The following GAS2 variants were observed in gnomAD, a reference collection of about 807,000 sequenced individuals.
GAS2 encodes the protein growth arrest-specific protein 2.
GAS2 carries 20 observed loss-of-function variants against 37.5 expected under a neutral mutation model. That is an observed-to-expected ratio of 0.53 (90% CI 0.37 to 0.77). The LOEUF is 0.77. GAS2 is among the 30% of genes least tolerant of loss of function. The pLI, the probability that GAS2 is intolerant of heterozygous loss-of-function variation, is 0.00. For missense variants in GAS2, 336 were observed against 373.4 expected (o/e 0.90, Z 0.82); for synonymous variants, 144 against 132.2 (o/e 1.09, Z -0.61).
At chr11:22,711,546 G>A (rs770954449) in intron 3 of GAS2, among the ~76,000 whole-genome samples, 26 of 152,232 alleles carry the variant, frequency 1.7e-4, no homozygotes, top group African/African-American at 6.0e-4. Context: ...GATGGTGTGG[G>A]TAGGCAGGCC....
Position 22,685,632 on chromosome 11 carries a change from A to T in GAS2, c.146-36A>T, listed in dbSNP as rs779568674. 5 of 1,598,576 alleles carry T rather than the reference A, an allele frequency of 3.1e-6. No individual in the cohort carries two copies. The Admixed American group carries it at 8.6e-5, about 28-fold the overall frequency. Reference sequence around the variant, plus strand: ...TTATTTAGTGTGAATCTGACATTTGATTTTCCTTTTATAATGCTTCTTTTT... The same window carrying T: ...TTATTTAGTGTGAATCTGACATTTGTTTTTCCTTTTATAATGCTTCTTTTT... On this transcript the variant is annotated intron_variant, in intron 2 of 7. Coordinates refer to ENST00000454584, the MANE Select transcript of GAS2 (RefSeq NM_001143830.3).
intron 1 of GAS2, among the ~76,000 whole-genome samples, chr11:22,634,139 A>C (rs1313212607): frequency 6.6e-6 from 1 of 152,180 alleles, no homozygotes; most frequent in Non-Finnish European, 1.5e-5. Context: ...AACATGAAGG[A>C]AGAGCAAAGG....
rs559626143 is a variant in GAS2, at chr11:22,651,566, T to C, written c.-20-23284T>C. On this transcript the variant is annotated intron_variant, in intron 1 of 5. Coordinates refer to the GAS2 transcript ENST00000528582. ...CACTTTCAGGTACACCAATCAGACA[T>C]AGATTTGGTCTTTCCACATAGTCCC... is the stretch of plus-strand genomic sequence containing the variant. Among the ~76,000 whole-genome samples, 3 of 152,324 alleles carry C rather than the reference T, an allele frequency of 2.0e-5. No homozygotes were observed. In the South Asian group the frequency reaches 6.2e-4, roughly 32 times the overall value.
At chr11:22,748,275 G>T (rs1005112483) in intron 5 of GAS2, among the ~76,000 whole-genome samples, 1 of 151,934 alleles carries the variant, frequency 6.6e-6, no homozygotes, top group Admixed American at 6.6e-5. Flanking sequence ...CTGTAAAAGT[G>T]AGAGGGTGTA....
chr11:22,797,254 T>C (rs958540063), intron 7 of GAS2, among the ~76,000 whole-genome samples: 19 of 152,082 alleles, frequency 1.2e-4, no homozygotes, highest in African/African-American at 4.6e-4. Flanking sequence ...TCCATCATCA[T>C]ATGTCACTTG....
chr11:22,689,896 A>T (rs972094076), intron 3 of GAS2, among the ~76,000 whole-genome samples: 1 of 152,238 alleles, frequency 6.6e-6, no homozygotes, highest in African/African-American at 2.4e-5. Flanking sequence ...TTCAGAAAAA[A>T]TGGTGGCGAA....
chr11:22,775,933 T>G (rs142104951), intron 7 of GAS2, among the ~76,000 whole-genome samples: 1,573 of 152,326 alleles, frequency 0.01, 12 homozygotes, highest in Middle Eastern at 0.02. Flanking sequence ...ATATTAAAAC[T>G]GTTCCTTGGG....
chr11:22,626,650 A>G (rs936061415), intron 1 of GAS2: 1 of 152,242 alleles, frequency 6.6e-6, no homozygotes, highest in African/African-American at 2.4e-5. Flanking sequence ...TGCATTCTGT[A>G]CAAAATGCAC....
intron 4 of GAS2, among the ~76,000 whole-genome samples, chr11:22,736,539 C>T (rs1852764567): frequency 6.6e-6 from 1 of 151,966 alleles, no homozygotes; most frequent in Non-Finnish European, 1.5e-5. Context: ...CTTTTACAAT[C>T]AGGTAAAAGT....
At chr11:22,776,563 A>G (rs1855270271) in intron 7 of GAS2, among the ~76,000 whole-genome samples, 1 of 152,196 alleles carries the variant, frequency 6.6e-6, no homozygotes, top group Non-Finnish European at 1.5e-5. Context: ...ATTAAAGAGC[A>G]AGTTGTCAAT....
chr11:22,722,378 A>G (rs756545649), intron 3 of GAS2, among the ~76,000 whole-genome samples: 5 of 151,808 alleles, frequency 3.3e-5, no homozygotes, highest in Non-Finnish European at 7.4e-5. Context: ...AAATTTTACT[A>G]TTTATCCTGT....
At chr11:22,656,781 T>C (rs932406146) in intron 1 of GAS2, among the ~76,000 whole-genome samples, 1 of 151,976 alleles carries the variant, frequency 6.6e-6, no homozygotes, top group Admixed American at 6.5e-5. Context: ...ATAGTGTTTG[T>C]CATGATGTGT....
At chr11:22,798,910 G>A (rs1856544456) in intron 7 of GAS2, among the ~76,000 whole-genome samples, 1 of 152,044 alleles carries the variant, frequency 6.6e-6, no homozygotes, top group African/African-American at 2.4e-5. Context: ...TTGAGCATAT[G>A]CCATTTCAGA....
intron 1 of GAS2, among the ~76,000 whole-genome samples, chr11:22,644,685 ATCTCAGC>A (rs775603928): frequency 2.8e-5 from 2 of 70,726 alleles, no homozygotes; most frequent in Non-Finnish European, 1.0e-4. Context: ...CAGTGGCATG[ATCTCAGC>A]TAACTGCAAC....
chr11:22,628,010 G>A, intron 1 of GAS2, among the ~76,000 whole-genome samples: 1 of 152,126 alleles, frequency 6.6e-6, no homozygotes, highest in African/African-American at 2.4e-5. Flanking sequence ...ATTAACTTTA[G>A]CTTCATACCT....
intron 2 of GAS2, among the ~76,000 whole-genome samples, chr11:22,678,053 A>G (rs1849515017): frequency 6.6e-6 from 1 of 152,196 alleles, no homozygotes; most frequent in Non-Finnish European, 1.5e-5. Context: ...ATTTTCTCAG[A>G]AAAGGAATCC....
At chr11:22,698,514 T>C (rs1362904627) in intron 3 of GAS2, among the ~76,000 whole-genome samples, 1 of 151,882 alleles carries the variant, frequency 6.6e-6, no homozygotes, top group Non-Finnish European at 1.5e-5. Flanking sequence ...CCCTAACTCA[T>C]TTTATGAGGC....
chr11:22,679,568 T>A (rs914997475), intron 2 of GAS2, among the ~76,000 whole-genome samples: 9 of 152,228 alleles, frequency 5.9e-5, no homozygotes, highest in Non-Finnish European at 1.0e-4. Flanking sequence ...ATGGACTTTT[T>A]AAGAATATTA....
chr11:22,735,087 C>A lies in GAS2; in HGVS notation c.410-2618C>A, dbSNP rs917909116. ...ATCACAACCCCTATCACCACCACCA[C>A]ATAACCACATAACTATCATCTTCCT... On this transcript the variant is annotated intron_variant, in intron 4 of 7. Coordinates refer to ENST00000454584, the MANE Select transcript of GAS2 (RefSeq NM_001143830.3). Among the ~76,000 whole-genome samples, 5 of 151,752 alleles carry A rather than the reference C, an allele frequency of 3.3e-5. No homozygotes were observed. The East Asian group carries it at 5.8e-4, about 18-fold the overall frequency.
Sources: allele counts gnomAD v4.1 joint callset (sites outside exome capture counted in the v4.1 genomes callset), GRCh38; gene constraint gnomAD v4.1.1; transcripts MANE v1.5; gene names NCBI Gene and HGNC (gene_info 2026-07-23, HGNC 2026-07-21).